RTN4RL1: variants seen among roughly 807,000 people sequenced by gnomAD.
RTN4RL1 encodes the protein reticulon 4 receptor like 1.
RTN4RL1 carries 7 observed loss-of-function variants against 25.6 expected under a neutral mutation model. The ratio of observed to expected loss-of-function variants is 0.27; its 90% CI spans 0.16 to 0.51. RTN4RL1 has a LOEUF of 0.51. Ranked by LOEUF, RTN4RL1 falls within the 20% of genes least tolerant of loss-of-function variation. The pLI is 0.97. For synonymous variants in RTN4RL1, 297 were observed against 288.2 expected (o/e 1.03, Z -0.31); for missense variants, 500 against 615.6 (o/e 0.81, Z 1.99).
intron 1 of RTN4RL1, among the ~76,000 whole-genome samples, chr17:2,021,760 G>A (rs1287425961): frequency 6.6e-6 from 1 of 150,908 alleles, no homozygotes; most frequent in Admixed American, 6.6e-5. Context: ...TCACCATGTT[G>A]GCCAGGCTGG....
intron 1 of RTN4RL1, among the ~76,000 whole-genome samples, chr17:2,021,842 A>G (rs867567698): frequency 1.4e-5 from 2 of 138,946 alleles, no homozygotes; most frequent in Non-Finnish European, 3.1e-5. Flanking sequence ...GGTGTGAGCC[A>G]CTGTGCCCGG....
At chr17:1,940,713 C>G (rs1041894500) in intron 1 of RTN4RL1, among the ~76,000 whole-genome samples, 2 of 152,152 alleles carry the variant, frequency 1.3e-5, no homozygotes, top group African/African-American at 4.8e-5. Flanking sequence ...CACTCCCCGT[C>G]TCTCTCAGCT....
chr17:1,964,454 C>T (rs990597536), intron 1 of RTN4RL1, among the ~76,000 whole-genome samples: 1 of 151,910 alleles, frequency 6.6e-6, no homozygotes, highest in Non-Finnish European at 1.5e-5. Context: ...CCACACAGGT[C>T]GGGTGTGGTG....
At chr17:1,938,587 C>T (rs112014292) in intron 1 of RTN4RL1, among the ~76,000 whole-genome samples, 3 of 151,850 alleles carry the variant, frequency 2.0e-5, no homozygotes, top group Admixed American at 6.6e-5. Flanking sequence ...TGTGAGCCAC[C>T]GCGCCCGGCC....
intron 1 of RTN4RL1, among the ~76,000 whole-genome samples, chr17:2,005,831 G>A (rs1240698113): frequency 1.4e-5 from 2 of 142,500 alleles, no homozygotes; most frequent in African/African-American, 5.3e-5. Context: ...GAGTCTCGCC[G>A]TGTCGCCCAG....
intron 1 of RTN4RL1, among the ~76,000 whole-genome samples, chr17:1,991,458 A>AC (rs1567518467): frequency 6.8e-6 from 1 of 146,076 alleles, no homozygotes; most frequent in African/African-American, 2.6e-5. Context: ...AAAAAAAAAA[A>AC]AAAAACAAAA....
chr17:1,965,276 C>T (rs2066785657), intron 1 of RTN4RL1, among the ~76,000 whole-genome samples: 1 of 150,344 alleles, frequency 6.7e-6, no homozygotes, highest in African/African-American at 2.5e-5. Context: ...ATGCCCAGCT[C>T]GTTTTTCGTA....
intron 1 of RTN4RL1, among the ~76,000 whole-genome samples, chr17:1,940,187 G>A (rs1424800372): frequency 1.3e-5 from 2 of 152,234 alleles, no homozygotes; most frequent in East Asian, 3.8e-4. Flanking sequence ...CCCGTCCCCT[G>A]TAATCACCCG....
chr17:1,946,951 C>T (rs1338635375), intron 1 of RTN4RL1, among the ~76,000 whole-genome samples: 4 of 140,514 alleles, frequency 2.8e-5, no homozygotes, highest in Non-Finnish European at 6.1e-5. Context: ...TGTGTGTGCA[C>T]GGGGTCTGTG....
intron 1 of RTN4RL1, among the ~76,000 whole-genome samples, chr17:2,009,174 G>A (rs1336889725): frequency 6.6e-6 from 1 of 152,152 alleles, no homozygotes; most frequent in African/African-American, 2.4e-5. Context: ...AAAAGGGCAG[G>A]GTTCGCCGGG....
chr17:1,980,337 C>G lies in RTN4RL1; in HGVS notation c.14-42529G>C, dbSNP rs2066861885. The stretch of plus-strand genomic sequence containing the variant: ...CTGCCTGCCTCGGCCTCCCAAACCG[C>G]TAAGATTACAGGCATCAGCCCCCAT... On this transcript the variant is annotated intron_variant, in intron 1 of 1. Transcript: ENST00000331238. Among the ~76,000 whole-genome samples, 4 of 151,704 alleles carry G rather than the reference C, an allele frequency of 2.6e-5. No individual in the cohort carries two copies. The South Asian group carries it at 8.3e-4, about 32-fold the overall frequency.
chr17:2,016,756 C>T (rs1171786536), intron 1 of RTN4RL1, among the ~76,000 whole-genome samples: 1 of 152,218 alleles, frequency 6.6e-6, no homozygotes, highest in East Asian at 1.9e-4. Context: ...AGCCATTGTC[C>T]CCAGCGTCCG....
intron 1 of RTN4RL1, among the ~76,000 whole-genome samples, chr17:1,946,874 CTG>C (rs10655112): frequency 7.0e-6 from 1 of 143,146 alleles, no homozygotes; most frequent in Non-Finnish European, 1.5e-5. Flanking sequence ...GCACGTGTGT[CTG>C]TGTCTCTGTG....
chr17:2,023,671 A>ACCCCCCCCCCCCCCCCCCCC (rs2067239104), intron 1 of RTN4RL1: 1 of 58,560 alleles, frequency 1.7e-5, no homozygotes. Flanking sequence ...GCTTCCCCCC[A>ACCCCCCCCCCCCCCCCCCCC]CCTCCCCAAC....
At chr17:1,983,344 C>T (rs550264278) in intron 1 of RTN4RL1, among the ~76,000 whole-genome samples, 1 of 152,130 alleles carries the variant, frequency 6.6e-6, no homozygotes, top group African/African-American at 2.4e-5. Flanking sequence ...CCACACCTGG[C>T]CGAGACCTCA....
At chr17:2,016,718 G>A (rs1013965142) in intron 1 of RTN4RL1, among the ~76,000 whole-genome samples, 1 of 152,178 alleles carries the variant, frequency 6.6e-6, no homozygotes, top group Non-Finnish European at 1.5e-5. Flanking sequence ...GCGGGCAGGC[G>A]GGAGGCCGGG....
intron 1 of RTN4RL1, among the ~76,000 whole-genome samples, chr17:2,021,647 C>T (rs1205759244): frequency 3.3e-5 from 5 of 150,712 alleles, no homozygotes; most frequent in South Asian, 2.1e-4. Context: ...CTCCGCCTCC[C>T]GGGTTCAAGC....
chr17:2,021,829 AC>A (rs1372392952), intron 1 of RTN4RL1, among the ~76,000 whole-genome samples: 2 of 143,806 alleles, frequency 1.4e-5, no homozygotes, highest in Non-Finnish European at 3.0e-5. Flanking sequence ...TGCTGGGATT[AC>A]AGGTGTGAGC....
intron 1 of RTN4RL1, among the ~76,000 whole-genome samples, 180 bp from the exon 2 acceptor site, chr17:1,937,988 C>G (rs1418575600): frequency 7.2e-5 from 11 of 152,224 alleles, no homozygotes; most frequent in Non-Finnish European, 1.3e-4. Flanking sequence ...GGATGAGAGG[C>G]CTCCCCTCCT....
Sources: allele counts gnomAD v4.1 joint callset (sites outside exome capture counted in the v4.1 genomes callset), GRCh38; gene constraint gnomAD v4.1.1; transcripts MANE v1.5; gene names NCBI Gene and HGNC (gene_info 2026-07-23, HGNC 2026-07-21).